AGBL4: variants seen among roughly 807,000 people sequenced by gnomAD.
The protein encoded by AGBL4 is cytosolic carboxypeptidase 6.
A neutral mutation model predicts 66.4 loss-of-function variants in AGBL4; 58 were observed. That is an observed-to-expected ratio of 0.87 (90% CI 0.71 to 1.09). The LOEUF is 1.09. Ranked by LOEUF, AGBL4 falls within the 50% of genes least tolerant of loss-of-function variation. AGBL4 has a pLI of 0.00. For synonymous variants in AGBL4, 234 were observed against 222.9 expected (o/e 1.05, Z -0.44); for missense variants, 579 against 631.0 (o/e 0.92, Z 0.88).
rs75498230 is a variant in AGBL4, at chr1:49,394,080, T to C, written c.283-148216A>G. Among the ~76,000 whole-genome samples the C allele has an allele frequency of 1.6e-4, 25 of 152,064 alleles. 2 individuals carry two copies. In the East Asian group the frequency reaches 4.8e-3, roughly 29 times the overall value. On this transcript the variant is annotated intron_variant, in intron 3 of 13. Transcript: ENST00000371839. ...CTACTGCTGACTGGTCTATTTCCCC[T>C]GGATAGGAGCTAGATATTTGGGATC... is the stretch of plus-strand genomic sequence containing the variant.
At chr1:49,908,927 G>A (rs1650547128) in intron 1 of AGBL4, among the ~76,000 whole-genome samples, 1 of 152,096 alleles carries the variant, frequency 6.6e-6, no homozygotes, top group South Asian at 2.1e-4. Context: ...TCTTGTTACT[G>A]CTAGTGAATT....
intron 11 of AGBL4, among the ~76,000 whole-genome samples, chr1:48,575,458 C>T (rs1024678478): frequency 6.6e-6 from 1 of 152,178 alleles, no homozygotes; most frequent in Non-Finnish European, 1.5e-5. Flanking sequence ...TTCAACTCAT[C>T]CTGCCCGCTG....
At chr1:49,128,234 A>G (rs1645806272) in intron 4 of AGBL4, among the ~76,000 whole-genome samples, 1 of 152,056 alleles carries the variant, frequency 6.6e-6, no homozygotes, top group Non-Finnish European at 1.5e-5. Flanking sequence ...TAGTCAGTAT[A>G]TTAAATAAGA....
chr1:49,665,801 T>A (rs1646353362), intron 3 of AGBL4, among the ~76,000 whole-genome samples: 1 of 151,974 alleles, frequency 6.6e-6, no homozygotes. Context: ...AGTTTTTACA[T>A]CTGCTTTTAA....
At chr1:49,948,894 CA>C (rs1655810780) in intron 1 of AGBL4, among the ~76,000 whole-genome samples, 1 of 151,308 alleles carries the variant, frequency 6.6e-6, no homozygotes, top group Non-Finnish European at 1.5e-5. Context: ...CAAGACTAAC[CA>C]AAAAGAACAA....
intron 9 of AGBL4, among the ~76,000 whole-genome samples, chr1:48,626,927 T>A (rs1645512467): frequency 6.6e-6 from 1 of 152,056 alleles, no homozygotes; most frequent in African/African-American, 2.4e-5. Flanking sequence ...GAGTGATAAA[T>A]ATCCTGCCAT....
chr1:49,783,008 T>C (rs78125828), intron 2 of AGBL4, among the ~76,000 whole-genome samples: 1 of 150,226 alleles, frequency 6.7e-6, no homozygotes, highest in South Asian at 2.1e-4. Flanking sequence ...AGAAACCTGT[T>C]TTTTTTTTTT....
At chr1:49,179,941 GC>G (rs200286615) in intron 4 of AGBL4, among the ~76,000 whole-genome samples, 9,807 of 151,250 alleles carry the variant, frequency 0.065, 390 homozygotes, top group African/African-American at 0.1. Flanking sequence ...CGCTCTTGTT[GC>G]CCAGGCTGGA....
At chr1:49,744,239 T>C (rs1259215455) in intron 2 of AGBL4, among the ~76,000 whole-genome samples, 4 of 152,068 alleles carry the variant, frequency 2.6e-5, no homozygotes, top group Admixed American at 6.6e-5. Flanking sequence ...GTTCTCATGA[T>C]AGTGAGTGAA....
At chr1:49,404,579 A>C (rs1162293433) in intron 3 of AGBL4, among the ~76,000 whole-genome samples, 1 of 152,190 alleles carries the variant, frequency 6.6e-6, no homozygotes, top group Non-Finnish European at 1.5e-5. Flanking sequence ...CCATTACACT[A>C]TATGATCCTT....
At chr1:49,947,353 A>C (rs1207331964) in intron 1 of AGBL4, among the ~76,000 whole-genome samples, 1 of 152,096 alleles carries the variant, frequency 6.6e-6, no homozygotes, top group Non-Finnish European at 1.5e-5. Context: ...ACCATGATCA[A>C]GTGGGTTTCA....
chr1:49,366,671 G>A (rs953744137), intron 3 of AGBL4, among the ~76,000 whole-genome samples: 20 of 152,060 alleles, frequency 1.3e-4, no homozygotes, highest in African/African-American at 1.9e-4. Context: ...CAGACATTTC[G>A]GAGTACTAAC....
intron 4 of AGBL4, among the ~76,000 whole-genome samples, chr1:49,132,435 T>A (rs1480031506): frequency 6.6e-6 from 1 of 152,102 alleles, no homozygotes; most frequent in African/African-American, 2.4e-5. Context: ...TGGGTAAAAC[T>A]TTTGACTCTA....
intron 2 of AGBL4, among the ~76,000 whole-genome samples, chr1:49,774,430 C>G (rs536868764): frequency 6.6e-6 from 1 of 152,282 alleles, no homozygotes; most frequent in South Asian, 2.1e-4. Context: ...AACACTTACT[C>G]TGTCCACCCT....
At chr1:48,776,826 G>A in intron 6 of AGBL4, 3 of 1,503,794 alleles carry the variant, frequency 2.0e-6, no homozygotes, top group Non-Finnish European at 2.7e-6. Flanking sequence ...GCACAAAGGC[G>A]TACATGGTGG....
chr1:49,571,806 T>C (rs1040524081), intron 3 of AGBL4, among the ~76,000 whole-genome samples: 2 of 152,208 alleles, frequency 1.3e-5, no homozygotes, highest in African/African-American at 4.8e-5. Flanking sequence ...ATCACGTTTT[T>C]CTGTTTCTAT....
intron 2 of AGBL4, among the ~76,000 whole-genome samples, chr1:49,801,167 C>G (rs1463231322): frequency 2.0e-5 from 3 of 152,160 alleles, no homozygotes; most frequent in Admixed American, 6.5e-5. Context: ...CATCTCACAC[C>G]AGTTAGAATG....
At chr1:49,942,248 A>G (rs1455152875) in intron 1 of AGBL4, among the ~76,000 whole-genome samples, 3 of 152,126 alleles carry the variant, frequency 2.0e-5, no homozygotes, top group Non-Finnish European at 4.4e-5. Flanking sequence ...ATATTGCCAA[A>G]ATGTCCATAC....
chr1:48,867,259 C>G, intron 5 of AGBL4, 29 bp from the exon 6 acceptor site: 1 of 1,612,332 alleles, frequency 6.2e-7, no homozygotes, highest in African/African-American at 1.3e-5. Context: ...TGTGAGGGCA[C>G]TGATTTGAGC....
Sources: gnomAD v4.1 joint callset for allele counts (sites outside exome capture counted in the v4.1 genomes callset) on GRCh38, gnomAD v4.1.1 for gene constraint, MANE v1.5 for transcripts, NCBI Gene and HGNC (gene_info 2026-07-23, HGNC 2026-07-21) for gene names.